Variants in ONECUT1 observed in about 807,000 individuals in gnomAD.
ONECUT1 encodes the protein one cut homeobox 1.
In ONECUT1, 12 loss-of-function variants were observed where a neutral mutation model predicts 25.6. The observed-to-expected ratio is 0.47, with a 90% CI of 0.30 to 0.76. ONECUT1 has a LOEUF of 0.76. Among genes scored for constraint, ONECUT1 ranks in the 30% least tolerant of loss-of-function variants. ONECUT1 has a pLI of 0.07. For missense variants in ONECUT1, 620 were observed against 651.2 expected (o/e 0.95, Z 0.52); for synonymous variants, 285 against 270.2 (o/e 1.05, Z -0.54).
chr15:52,763,900 T>G (rs1226406738), intron 1 of ONECUT1, among the ~76,000 whole-genome samples: 1 of 152,250 alleles, frequency 6.6e-6, no homozygotes. Context: ...ATATATTTTT[T>G]ATTGTATTAT....
chr15:52,778,916 T>C (rs1364547433), intron 1 of ONECUT1, among the ~76,000 whole-genome samples: 2 of 152,132 alleles, frequency 1.3e-5, no homozygotes, highest in African/African-American at 4.8e-5. Flanking sequence ...AAAGGTTAAA[T>C]TACTTGACAA....
intron 1 of ONECUT1, chr15:52,780,489 CA>C (rs2083833631): frequency 5.9e-6 from 7 of 1,185,552 alleles, no homozygotes; most frequent in African/African-American, 3.1e-5. Flanking sequence ...ATTAGTGTGA[CA>C]AATATGTCTT....
At chr15:52,760,532 A>T (rs2083699877) in intron 1 of ONECUT1, among the ~76,000 whole-genome samples, 1 of 152,184 alleles carries the variant, frequency 6.6e-6, no homozygotes, top group Non-Finnish European at 1.5e-5. Context: ...CTGCTTGAAG[A>T]TATTCAGGAA....
intron 1 of ONECUT1, among the ~76,000 whole-genome samples, chr15:52,777,633 C>CT (rs1179179091): frequency 6.6e-6 from 1 of 150,488 alleles, no homozygotes; most frequent in Non-Finnish European, 1.5e-5. Flanking sequence ...GTCCCAAGTC[C>CT]TACTCATCCT....
intron 1 of ONECUT1, among the ~76,000 whole-genome samples, chr15:52,765,543 G>A (rs1031144314): frequency 2.0e-5 from 3 of 151,440 alleles, no homozygotes; most frequent in Non-Finnish European, 2.9e-5. Context: ...GTGGATGAGC[G>A]AGCACACAAA....
chr15:52,785,357 C>T (rs1281753713), intron 1 of ONECUT1, among the ~76,000 whole-genome samples: 2 of 152,202 alleles, frequency 1.3e-5, no homozygotes, highest in Non-Finnish European at 2.9e-5. Context: ...CCCCTCCCCC[C>T]TTGGCTCAGG....
intron 1 of ONECUT1, among the ~76,000 whole-genome samples, chr15:52,786,664 CTG>C (rs2083877028): frequency 1.3e-5 from 2 of 152,256 alleles, no homozygotes; most frequent in Non-Finnish European, 2.9e-5. Context: ...GTGCCGTCCC[CTG>C]AGCTCGGCTA....
At chr15:52,779,175 C>G (rs1399780670) in intron 1 of ONECUT1, among the ~76,000 whole-genome samples, 1 of 152,042 alleles carries the variant, frequency 6.6e-6, no homozygotes, top group Non-Finnish European at 1.5e-5. Flanking sequence ...CCTCCGCCTC[C>G]CAGGTTCAAG....
chr15:52,769,483 T>C (rs78564613), intron 1 of ONECUT1, among the ~76,000 whole-genome samples: 14,603 of 152,240 alleles, frequency 0.096, 883 homozygotes, highest in Non-Finnish European at 0.13. Context: ...GGGAGATTTC[T>C]GAAATGTTAT....
At chr15:52,776,654 T>C (rs539998948) in intron 1 of ONECUT1, among the ~76,000 whole-genome samples, 32 of 152,348 alleles carry the variant, frequency 2.1e-4, no homozygotes, top group Non-Finnish European at 4.3e-4. Flanking sequence ...CCAGTTTTCC[T>C]GGCTGCTCCC....
At position 52,757,355 on chromosome 15, in the gene ONECUT1, G is replaced by A. The variant is rs367893918; in HGVS notation, c.*200C>T. 44 of 571,522 alleles carry A rather than the reference G, an allele frequency of 7.7e-5. No homozygotes were observed. Among genetic ancestry groups the A allele is most frequent in the African/African-American group, 4.0e-4 (21 of 52,596 alleles). 35.4% of individuals were successfully genotyped at this position (571,522 alleles called of 1,614,324 possible). On this transcript the variant is annotated 3_prime_UTR_variant, in exon 2 of 2. Transcript: ENST00000305901. ...TGCTCATCATTTGTCTTGCCAAGTC[G>A]CCGCCCTGCTGAAGTGTGTGTCTCC...
rs765063966 is a variant in ONECUT1 at position 52,788,930 on chromosome 15, C to A, written c.955G>T (p.Val319Leu). ...SIPQAIFAQR[V>L]LCRSQGTLSD... ...AGGGTCCCCTGGGAGCGGCAGAGCA[C>A]CCTCTGCGCGAAGATGGCCTGTGGG... Residue 319 changes from valine (V) to leucine (L), a missense_variant, in exon 1 of 2, where the codon GTG (valine) becomes TTG (leucine). By Grantham distance (32) the Val-to-Leu change is conservative. Transcript: ENST00000305901. The surrounding 1 kb of genome is among the most constrained non-coding windows in gnomAD (Gnocchi z 4.3). The A allele has an allele frequency of 6.2e-7, 1 of 1,614,032 alleles. No individual in the cohort carries two copies. The highest frequency in any genetic ancestry group is 1.1e-5 in the South Asian group (1 of 91,072).
chr15:52,790,169 C>T lies in ONECUT1; in HGVS notation c.-285G>A, dbSNP rs1368264979. Among the ~76,000 whole-genome samples the T allele has an allele frequency of 6.6e-6, 1 of 150,828 alleles. No individual in the cohort carries two copies. Among genetic ancestry groups the T allele is most frequent in the Non-Finnish European group, 1.5e-5 (1 of 67,636 alleles). ...AATATTAATTTCCAAAGAGGATCCG[C>T]GCCGTTGGGAGAGCGCAGTGCCCCA... On this transcript the variant is annotated 5_prime_UTR_variant, in exon 1 of 2. Coordinates refer to ENST00000305901, the MANE Select transcript of ONECUT1 (RefSeq NM_004498.4).
At chr15:52,770,962 T>C (rs952040532) in intron 1 of ONECUT1, among the ~76,000 whole-genome samples, 3 of 152,162 alleles carry the variant, frequency 2.0e-5, no homozygotes, top group Non-Finnish European at 2.9e-5. Context: ...TAAGGAGCAA[T>C]AGGCACTTTT....
At chr15:52,777,733 C>CAAAAAAAAAAAAA (rs1402130601) in intron 1 of ONECUT1, among the ~76,000 whole-genome samples, 25 of 85,246 alleles carry the variant, frequency 2.9e-4, no homozygotes, top group East Asian at 1.1e-3. Context: ...CACACACACA[C>CAAAAAAAAAAAAA]ACACAAAAAA....
In ONECUT1 at chr15:52,790,101, TA is replaced by T. The variant is rs1224760918; in HGVS notation, c.-218del. Reference sequence around the variant, plus strand: ...TGTGTGTGTGTCTCGCCTTCCCTCTTACCCCCCACCTTCCCCTCTGCGTCCT... The same window carrying T: ...TGTGTGTGTGTCTCGCCTTCCCTCTTCCCCCCACCTTCCCCTCTGCGTCCT... On this transcript the variant is annotated 5_prime_UTR_variant, in exon 1 of 2. Coordinates refer to ENST00000305901, the MANE Select transcript of ONECUT1 (RefSeq NM_004498.4). 1 of 578,020 alleles carries T rather than the reference TA, an allele frequency of 1.7e-6. No homozygotes were observed. The highest frequency in any genetic ancestry group is 2.6e-6 in the Non-Finnish European group (1 of 391,050). 35.8% of individuals were successfully genotyped at this position (578,020 alleles called of 1,614,324 possible).
At chr15:52,780,909 A>T (rs1329717504) in intron 1 of ONECUT1, 2 of 1,294,290 alleles carry the variant, frequency 1.5e-6, no homozygotes, top group Non-Finnish European at 2.0e-6. Context: ...GCAAAGGAAG[A>T]TGAGAAACAC....
intron 1 of ONECUT1, among the ~76,000 whole-genome samples, chr15:52,777,111 C>G (rs533785191): frequency 6.6e-6 from 1 of 152,226 alleles, no homozygotes; most frequent in South Asian, 2.1e-4. Context: ...CTCTAAGGAT[C>G]TTGAAGTTTT....
Position 52,757,624 on chromosome 15 carries a change from C to A in ONECUT1, c.1329G>T (p.Lys443Asn). The stretch of plus-strand genomic sequence containing the variant: ...AATTGGAGCTGCCCTCGTCCTGCCA[C>A]TTGTCCAGACTCCTCCTTCTTGCGT... ...FMNARRRSLD[K>N]WQDEGSSNSG... Residue 443 changes from lysine to asparagine, a missense_variant, in exon 2 of 2, where the codon AAG becomes AAT. By Grantham distance (94) the Lys-to-Asn change is moderately conservative. Around this residue, in one of 4 missense-constraint regions of ONECUT1, gnomAD observed 30 missense variants for 25.1 expected, o/e 1.20. Transcript: ENST00000305901. The A allele has an allele frequency of 6.2e-7, 1 of 1,614,150 alleles. No homozygotes were observed. The highest frequency in any genetic ancestry group is 8.5e-7 in the Non-Finnish European group (1 of 1,180,022).
Sources: allele counts gnomAD v4.1 joint callset (sites outside exome capture counted in the v4.1 genomes callset), GRCh38; gene constraint gnomAD v4.1.1; regional missense constraint gnomAD v4.1.1; non-coding constraint Gnocchi (gnomAD v3.1); transcripts MANE v1.5; gene names NCBI Gene and HGNC (gene_info 2026-07-23, HGNC 2026-07-21).